HEATR5B: variants seen among roughly 807,000 people sequenced by gnomAD.
The protein encoded by HEATR5B is HEAT repeat-containing protein 5B.
HEATR5B carries 156 observed loss-of-function variants against 224.1 expected under a neutral mutation model. The observed-to-expected ratio is 0.70, with a 90% CI of 0.61 to 0.80. The LOEUF (loss-of-function observed/expected upper bound fraction) is 0.80, where lower values mean the gene tolerates loss of function less well. HEATR5B is among the 30% of genes least tolerant of loss of function. The pLI is 0.00. For synonymous variants in HEATR5B, 1,027 were observed against 893.0 expected (o/e 1.15, Z -2.68); for missense variants, 2,323 against 2,535.5 (o/e 0.92, Z 1.80).
At chr2:37,026,290 T>C (rs12104444) in intron 24 of HEATR5B, among the ~76,000 whole-genome samples, 85,365 of 152,006 alleles carry the variant, frequency 0.56, 24,181 homozygotes, top group East Asian at 0.67. Context: ...ACAGCCCTGC[T>C]GATGCCTTGA....
chr2:37,026,480 G>C (rs1668781240), intron 24 of HEATR5B, among the ~76,000 whole-genome samples: 1 of 152,114 alleles, frequency 6.6e-6, no homozygotes, highest in African/African-American at 2.4e-5. Flanking sequence ...AACCTCTTCT[G>C]TGACGTCTTC....
chr2:36,990,349 A>T (rs1269479030), intron 34 of HEATR5B, among the ~76,000 whole-genome samples: 1 of 152,186 alleles, frequency 6.6e-6, no homozygotes, highest in Non-Finnish European at 1.5e-5. Context: ...CTTCTCCTTT[A>T]ATGTCCTTAG....
At chr2:37,017,251 G>A (rs1293037029) in intron 26 of HEATR5B, among the ~76,000 whole-genome samples, 3 of 152,080 alleles carry the variant, frequency 2.0e-5, no homozygotes, top group Non-Finnish European at 4.4e-5. Context: ...TGGGCGTGGT[G>A]GCACACACCT....
intron 21 of HEATR5B, among the ~76,000 whole-genome samples, chr2:37,036,755 C>A (rs921864650): frequency 2.6e-4 from 40 of 151,986 alleles, no homozygotes; most frequent in African/African-American, 9.6e-4. Context: ...CAGGTGATCC[C>A]CCCGCCTTGG....
intron 18 of HEATR5B, among the ~76,000 whole-genome samples, chr2:37,041,941 A>G (rs978019622): frequency 1.3e-4 from 20 of 151,952 alleles, no homozygotes; most frequent in African/African-American, 4.8e-4. Context: ...TAAAAATAGT[A>G]AAAAGGTATT....
rs1215541082 is a variant in HEATR5B, at chr2:37,059,461, TA to T, written c.1850-475del. On this transcript the variant is annotated intron_variant, in intron 12 of 35. Transcript: ENST00000233099. Reference sequence around the variant, plus strand: ...GTGTGTGTGTGTATATATATATATATATATTTTTTTTTTTTTTTTTTTGAGA... The same window carrying T: ...GTGTGTGTGTGTATATATATATATATTATTTTTTTTTTTTTTTTTTTGAGA... 8.8e-3 allele frequency among the ~76,000 whole-genome samples: 956 copies of T among 109,104 alleles called. 47 individuals are homozygous for T. Among genetic ancestry groups the T allele is most frequent in the African/African-American group, 0.022 (601 of 27,356 alleles). The allele number at this position is 109,104 out of a possible 152,430, so 71.6% of individuals were successfully genotyped here.
chr2:37,064,064 T>G (rs2148568662), intron 10 of HEATR5B, among the ~76,000 whole-genome samples: 1 of 152,282 alleles, frequency 6.6e-6, no homozygotes, highest in Admixed American at 6.5e-5. Context: ...TCCACCTGCC[T>G]CGGCCTCTCA....
At chr2:37,037,145 GAT>G (rs1553431138) in intron 21 of HEATR5B, among the ~76,000 whole-genome samples, 4 of 89,104 alleles carry the variant, frequency 4.5e-5, no homozygotes, top group Non-Finnish European at 4.9e-5. Context: ...CTAAAAATGT[GAT>G]ATATATATAT....
intron 18 of HEATR5B, among the ~76,000 whole-genome samples, chr2:37,044,952 G>T (rs1351731761): frequency 6.6e-6 from 1 of 152,136 alleles, no homozygotes; most frequent in African/African-American, 2.4e-5. Context: ...GGTGTAAGAT[G>T]TCAATACACA....
chr2:37,013,812 A>G lies in HEATR5B; in HGVS notation c.4284+29T>C, dbSNP rs772119808. Reference sequence around the variant, plus strand: ...TTCTCATGGATGAAGAAATGGGTCAAAAACAATAGATTGTGGTTTAGTCGT... The same window carrying G: ...TTCTCATGGATGAAGAAATGGGTCAGAAACAATAGATTGTGGTTTAGTCGT... On this transcript the variant is annotated intron_variant, in intron 27 of 35. Transcript: ENST00000233099. The G allele has an allele frequency of 7.3e-6, 11 of 1,504,174 alleles. No homozygotes were observed. The East Asian group carries it at 2.6e-4, about 36-fold the overall frequency. 93.2% of individuals were successfully genotyped at this position (1,504,174 alleles called of 1,614,324 possible). A position where few individuals can be genotyped will look rare whatever the true frequency, so the allele number is the denominator to read the frequency against.
intron 21 of HEATR5B, among the ~76,000 whole-genome samples, chr2:37,035,331 C>A (rs1165276319): frequency 6.6e-6 from 1 of 152,084 alleles, no homozygotes; most frequent in Non-Finnish European, 1.5e-5. Context: ...TAATCCTATC[C>A]ACCCTGAACT....
At chr2:36,983,702 T>G (rs1416277131) in intron 35 of HEATR5B, among the ~76,000 whole-genome samples, 1 of 151,930 alleles carries the variant, frequency 6.6e-6, no homozygotes, top group Non-Finnish European at 1.5e-5. Context: ...CACTCCAGCA[T>G]GGGCGACAAA....
chr2:37,055,119 C>T (rs1025895676), intron 16 of HEATR5B: 5 of 401,282 alleles, frequency 1.2e-5, no homozygotes, highest in Non-Finnish European at 2.1e-5. Context: ...TATATTAAGC[C>T]GCACAGCCTG....
chr2:37,082,040 G>A (rs1157973519), intron 2 of HEATR5B, among the ~76,000 whole-genome samples: 1 of 126,206 alleles, frequency 7.9e-6, no homozygotes, highest in Non-Finnish European at 1.6e-5. Flanking sequence ...AGACATTTGA[G>A]GGAAGTATCT....
Position 37,009,190 on chromosome 2 carries a change from G to A in HEATR5B, c.4285-342C>T, listed in dbSNP as rs577405836. ...GGGGAATCGCTTGAACCAGGGAGGC[G>A]GAGGTTGCAGTGAGCCGAGATCGCG... On this transcript the variant is annotated intron_variant, in intron 27 of 35. Coordinates refer to ENST00000233099, the MANE Select transcript of HEATR5B (RefSeq NM_019024.3). 1.0e-3 allele frequency among the ~76,000 whole-genome samples: 155 copies of A among 150,302 alleles called. 2 individuals carry two copies. In the South Asian group the frequency reaches 0.03, roughly 29 times the overall value.
intron 33 of HEATR5B, among the ~76,000 whole-genome samples, chr2:36,991,615 G>A (rs191125690): frequency 3.8e-5 from 4 of 106,590 alleles, no homozygotes; most frequent in Non-Finnish European, 8.4e-5. Flanking sequence ...AATATAGTAC[G>A]TAATTAGAAA....
In HEATR5B at chr2:37,084,332, G is replaced by A. The variant is rs1386381132; in HGVS notation, c.-86C>T. On this transcript the variant is annotated 5_prime_UTR_variant, in exon 1 of 36. Coordinates refer to ENST00000233099, the MANE Select transcript of HEATR5B (RefSeq NM_019024.3). ...GTAGAAGCAGCCACCAAGAGACCCGGATGCCCCACCTCCCGCACTCCTACC... is the reference window on the plus strand; with the variant it reads ...GTAGAAGCAGCCACCAAGAGACCCGAATGCCCCACCTCCCGCACTCCTACC... 7.3e-6 allele frequency: 3 copies of A among 412,308 alleles called. No individual in the cohort carries two copies. Among genetic ancestry groups the A allele is most frequent in the African/African-American group, 2.0e-5 (1 of 48,852 alleles). 25.5% of individuals were successfully genotyped at this position (412,308 alleles called of 1,614,324 possible). A position where few individuals can be genotyped will look rare whatever the true frequency, so the allele number is the denominator to read the frequency against.
chr2:37,051,147 G>A (rs1019324265), intron 17 of HEATR5B, among the ~76,000 whole-genome samples: 3 of 152,000 alleles, frequency 2.0e-5, no homozygotes, highest in Admixed American at 2.0e-4. Flanking sequence ...CATGAGGTCA[G>A]GAGATTGAGA....
intron 25 of HEATR5B, 84 bp downstream of exon 25, chr2:37,020,571 A>G: frequency 1.0e-6 from 1 of 955,996 alleles, no homozygotes; most frequent in Non-Finnish European, 1.5e-6. Flanking sequence ...GCAGTTCCAA[A>G]TGCAGTCCTC....
Sources: gnomAD v4.1 joint callset for allele counts (sites outside exome capture counted in the v4.1 genomes callset) on GRCh38, gnomAD v4.1.1 for gene constraint, MANE v1.5 for transcripts, NCBI Gene and HGNC (gene_info 2026-07-23, HGNC 2026-07-21) for gene names.